Variants in SLC6A16 observed in about 807,000 individuals in gnomAD.
SLC6A16 encodes the protein orphan sodium- and chloride-dependent neurotransmitter transporter NTT5.
A neutral mutation model predicts 65.4 loss-of-function variants in SLC6A16; 54 were observed. The observed-to-expected ratio is 0.83, with a 90% confidence interval of 0.66 to 1.04. SLC6A16 has a LOEUF of 1.04. SLC6A16 is among the 50% of genes least tolerant of loss of function. The pLI, the probability that SLC6A16 is intolerant of heterozygous loss-of-function variation, is 0.00. For missense variants in SLC6A16, 816 were observed against 914.0 expected, an observed-to-expected ratio of 0.89 and a Z score of 1.38; for synonymous variants, 330 against 346.5, an observed-to-expected ratio of 0.95 and a Z score of 0.53.
chr19:49,307,395 T>G (rs1970411979), intron 7 of SLC6A16, among the ~76,000 whole-genome samples: 1 of 150,904 alleles, frequency 6.6e-6, no homozygotes, highest in South Asian at 2.1e-4. Flanking sequence ...AACCAGACAA[T>G]ATATGATAAA....
intron 1 of SLC6A16, among the ~76,000 whole-genome samples, chr19:49,324,737 C>T (rs1008997096): frequency 6.6e-6 from 1 of 152,240 alleles, no homozygotes; most frequent in South Asian, 2.1e-4. Context: ...TTCTGCCACT[C>T]GGGCACTTGA....
intron 2 of SLC6A16, 71 bp from the exon 3 acceptor site, chr19:49,310,581 G>C (rs1014101280): frequency 1.9e-6 from 3 of 1,557,372 alleles, no homozygotes; most frequent in Non-Finnish European, 2.6e-6. Flanking sequence ...AGGAGCCCAG[G>C]AAAACATTCT....
chr19:49,314,161 A>G (rs1970578472), intron 1 of SLC6A16, among the ~76,000 whole-genome samples: 2 of 152,036 alleles, frequency 1.3e-5, no homozygotes, highest in South Asian at 4.1e-4. Flanking sequence ...TGATAAGTGA[A>G]AATAAAAAGA....
At chr19:49,304,944 G>T (rs1970354852) in intron 7 of SLC6A16, among the ~76,000 whole-genome samples, 1 of 152,306 alleles carries the variant, frequency 6.6e-6, no homozygotes, top group South Asian at 2.1e-4. Flanking sequence ...AATTGGCACA[G>T]ATACTATGGA....
chr19:49,292,322 G>A lies in SLC6A16; in HGVS notation c.1778+901C>T, dbSNP rs747914470. Among the ~76,000 whole-genome samples the A allele has an allele frequency of 3.3e-5, 5 of 152,002 alleles. No homozygotes were observed. Among genetic ancestry groups the A allele is most frequent in the African/African-American group, 4.8e-5 (2 of 41,354 alleles). ...GCGGAGGTTGCAGTGAGCTGAGATC[G>A]CACCACTGCACTCCAGCCTGGGCAA... On this transcript the variant is annotated intron_variant, in intron 10 of 11. Transcript: ENST00000335875. The surrounding 1 kb of genome is among the most constrained non-coding windows in gnomAD (Gnocchi z 4.3).
chr19:49,325,935 G>C (rs898370542), upstream of SLC6A16, among the ~76,000 whole-genome samples: 1 of 151,958 alleles, frequency 6.6e-6, no homozygotes, highest in African/African-American at 2.4e-5. Context: ...AGGCCAAGGC[G>C]GGTGGATCAC....
chr19:49,337,277 G>A, the SLC6A16 span: 14,923 of 1,536,278 alleles, frequency 9.7e-3, 151 homozygotes, highest in Middle Eastern at 0.016. Context: ...AGGGAAGGGA[G>A]TGGTGGGAGA....
intron 4 of SLC6A16, 42 bp from the exon 5 acceptor site, chr19:49,309,868 C>T (rs909261205): frequency 3.1e-5 from 49 of 1,594,998 alleles, no homozygotes; most frequent in Non-Finnish European, 4.1e-5. Flanking sequence ...AGACAAGGTA[C>T]CCCCTCTTCT....
chr19:49,298,880 A>G (rs1334006660), intron 7 of SLC6A16, among the ~76,000 whole-genome samples: 1 of 152,210 alleles, frequency 6.6e-6, no homozygotes, highest in Non-Finnish European at 1.5e-5. Context: ...CTGCCATGAA[A>G]AAGAACAAAA....
intron 8 of SLC6A16, 101 bp downstream of exon 8, chr19:49,294,266 G>T: frequency 8.5e-7 from 1 of 1,183,076 alleles, no homozygotes; most frequent in Non-Finnish European, 1.2e-6. Flanking sequence ...GATGATTCTG[G>T]TGCTTCCGGG....
chr19:49,307,766 G>C (rs1355604832), intron 7 of SLC6A16, among the ~76,000 whole-genome samples: 1 of 143,420 alleles, frequency 7.0e-6, no homozygotes, highest in East Asian at 2.0e-4. Flanking sequence ...AAAAAAAAAA[G>C]ATTACTGGGA....
chr19:49,338,930 C>G, the SLC6A16 span: 1 of 1,611,528 alleles, frequency 6.2e-7, no homozygotes, highest in Non-Finnish European at 8.5e-7. This position sits in a 1 kb window ranked among gnomAD's most constrained non-coding sequence, Gnocchi z 5.0. Flanking sequence ...GCCACATCTA[C>G]CGCGAGGTGG....
chr19:49,313,817 G>T (rs553346564), intron 1 of SLC6A16, among the ~76,000 whole-genome samples: 7 of 151,070 alleles, frequency 4.6e-5, no homozygotes, highest in Non-Finnish European at 8.9e-5. Flanking sequence ...ATAATCAGCC[G>T]GGCACAGTGG....
chr19:49,336,735 A>G, the SLC6A16 span: 1 of 618,996 alleles, frequency 1.6e-6, no homozygotes, highest in Non-Finnish European at 2.8e-6. Flanking sequence ...AAACAGGCCC[A>G]GAAAGAAGAG....
chr19:49,327,966 T>C (rs1970814854), upstream of SLC6A16, among the ~76,000 whole-genome samples: 1 of 152,166 alleles, frequency 6.6e-6, no homozygotes, highest in Non-Finnish European at 1.5e-5. Context: ...AGAGTATTAT[T>C]TGGAGGCCCT....
rs867624602 is a variant in SLC6A16, at chr19:49,293,350, G to A, written c.1651C>T (p.Leu551Phe). The change falls in exon 10 of 12, where the codon CTC (leucine) becomes TTC (phenylalanine). Residue 551 changes from leucine (L) to phenylalanine (F), a missense_variant. Physicochemically the swap from Leu to Phe is conservative, Grantham distance 22. Coordinates refer to ENST00000335875, the MANE Select transcript of SLC6A16 (RefSeq NM_014037.3). The stretch of plus-strand genomic sequence containing the variant: ...CTGCCTGAAGGTCGAGTGAAGAAGA[G>A]GCCGCACACGAACATGAGCAAAAAG... The part of the protein sequence containing the change: ...GVFLLMFVCG[L>F]FFTRPSGSYF... The A allele has an allele frequency of 8.1e-6, 13 of 1,614,180 alleles. No homozygotes were observed. The highest frequency in any genetic ancestry group is 1.1e-5 in the Non-Finnish European group (13 of 1,180,034).
chr19:49,311,543 TGCATA>T, intron 1 of SLC6A16, 132 bp from the exon 2 acceptor site: 1 of 522,722 alleles, frequency 1.9e-6, no homozygotes, highest in South Asian at 3.5e-5. Flanking sequence ...AAAAATCTCT[TGCATA>T]AGTTTCACTT....
intron 7 of SLC6A16, among the ~76,000 whole-genome samples, chr19:49,296,862 G>A (rs1415481423): frequency 1.3e-5 from 2 of 152,018 alleles, no homozygotes; most frequent in African/African-American, 4.8e-5. Flanking sequence ...GATGGCGGGC[G>A]CCTGTAGTCC....
At chr19:49,327,022 G>GA (rs893177408), upstream of SLC6A16, among the ~76,000 whole-genome samples, 367 of 137,468 alleles carry the variant, frequency 2.7e-3, no homozygotes, top group Non-Finnish European at 4.3e-3. Flanking sequence ...CTGTCTCAAG[G>GA]AAAAAAAAAA....
Sources: gnomAD v4.1 joint callset for allele counts (sites outside exome capture counted in the v4.1 genomes callset) on GRCh38, gnomAD v4.1.1 for gene constraint, Gnocchi (gnomAD v3.1) non-coding constraint, MANE v1.5 for transcripts, NCBI Gene and HGNC (gene_info 2026-07-23, HGNC 2026-07-21) for gene names.